Variants in KASH5 observed in about 807,000 individuals in gnomAD.
The protein encoded by KASH5 is KASH domain containing 5, also known as protein KASH5.
KASH5 carries 72 observed loss-of-function variants against 84.2 expected under a neutral mutation model. The observed-to-expected ratio is 0.85, with a 90% confidence interval of 0.71 to 1.04. The LOEUF (loss-of-function observed/expected upper bound fraction) is 1.04, where lower values mean the gene tolerates loss of function less well. KASH5 is among the 50% of genes least tolerant of loss of function. The pLI, the probability that KASH5 is intolerant of heterozygous loss-of-function variation, is 0.00. For synonymous variants in KASH5, 260 were observed against 279.1 expected, an observed-to-expected ratio of 0.93 and a Z score of 0.68; for missense variants, 650 against 701.0, an observed-to-expected ratio of 0.93 and a Z score of 0.82.
intron 9 of KASH5, among the ~76,000 whole-genome samples, chr19:49,400,097 T>C (rs1470691050): frequency 6.6e-6 from 1 of 151,914 alleles, no homozygotes; most frequent in Middle Eastern, 3.2e-3. Flanking sequence ...GGCATGGTAG[T>C]GTGCACCTGT....
chr19:49,406,092 C>T (rs1429238795), intron 9 of KASH5, among the ~76,000 whole-genome samples: 5 of 142,022 alleles, frequency 3.5e-5, no homozygotes, highest in Admixed American at 7.3e-5. Context: ...CGCACCATTG[C>T]ATGCCAGCCT....
At chr19:49,392,508 C>G (rs113752416) in intron 2 of KASH5, among the ~76,000 whole-genome samples, 1 of 152,196 alleles carries the variant, frequency 6.6e-6, no homozygotes, top group South Asian at 2.1e-4. Flanking sequence ...AGAGCCAGCA[C>G]GACCTGATGC....
chr19:49,398,179 C>T (rs1468430456), intron 7 of KASH5, 36 bp downstream of exon 7: 2 of 1,524,780 alleles, frequency 1.3e-6, no homozygotes, highest in East Asian at 2.3e-5. Flanking sequence ...CCCCAGCGCC[C>T]CTGCCTCCGT....
At chr19:49,388,811 C>T (rs1271599163) in intron 1 of KASH5, among the ~76,000 whole-genome samples, 1 of 152,074 alleles carries the variant, frequency 6.6e-6, no homozygotes, top group Non-Finnish European at 1.5e-5. Flanking sequence ...TGTCAGACTT[C>T]TCCCTCAGAG....
In KASH5 at chr19:49,399,768, C is replaced by T; in HGVS notation, c.798+261C>T. ...GGACCAGTGCCTCCCTTCTCTGTGCCTCAGTTGCCTCACCTATAAAGATGA... is the reference window on the plus strand; with the variant it reads ...GGACCAGTGCCTCCCTTCTCTGTGCTTCAGTTGCCTCACCTATAAAGATGA... On this transcript the variant is annotated intron_variant, in intron 9 of 19. Transcript: ENST00000447857. This position sits in a 1 kb window ranked among gnomAD's most constrained non-coding sequence, Gnocchi z 4.4. 1.1e-6 allele frequency: 1 copy of T among 874,642 alleles called. No homozygotes were observed. Among genetic ancestry groups the T allele is most frequent in the Non-Finnish European group, 1.6e-6 (1 of 611,246 alleles). The allele number at this position is 874,642 out of a possible 1,614,324, so 54.2% of individuals were successfully genotyped here. A position where few individuals can be genotyped will look rare whatever the true frequency, so the allele number is the denominator to read the frequency against.
chr19:49,405,684 C>T (rs1321521188), intron 9 of KASH5, among the ~76,000 whole-genome samples: 6 of 151,608 alleles, frequency 4.0e-5, no homozygotes, highest in South Asian at 2.1e-4. Flanking sequence ...GAGCCGGGTG[C>T]GGTGGCTCAC....
chr19:49,394,111 C>A (rs1371382719), intron 2 of KASH5, among the ~76,000 whole-genome samples: 1 of 152,162 alleles, frequency 6.6e-6, no homozygotes, highest in Admixed American at 6.5e-5. Context: ...ACTCTCAGCT[C>A]CTCCCAGAAT....
At chr19:49,392,853 A>G (rs1974045558) in intron 2 of KASH5, among the ~76,000 whole-genome samples, 1 of 151,846 alleles carries the variant, frequency 6.6e-6, no homozygotes. Flanking sequence ...CAGAAGTTGC[A>G]GTGAGCGGAG....
At chr19:49,402,594 C>A (rs143797526) in intron 9 of KASH5, among the ~76,000 whole-genome samples, 1 of 151,986 alleles carries the variant, frequency 6.6e-6, no homozygotes, top group Non-Finnish European at 1.5e-5. Context: ...GTAATCCCAG[C>A]TACTTGAGAG....
rs780056138 is a variant in KASH5 at position 49,417,207 on chromosome 19, G to T, written c.1488G>T (p.Lys496Asn). Reference sequence around the variant, plus strand: ...AAGCCCTGGTGCCTGTGATGAAAAAGCTGGTCCCAGTCAGGAGGAGGGCCT... The same window carrying T: ...AAGCCCTGGTGCCTGTGATGAAAAATCTGGTCCCAGTCAGGAGGAGGGCCT... The part of the protein sequence containing the change: ...LQQALVPVMK[K>N]LVPVRRRAWG... The change falls in exon 19 of 20, where the codon AAG (lysine) becomes AAT (asparagine). Residue 496 changes from lysine to asparagine, a missense_variant. Lys to Asn is a moderately conservative substitution (Grantham distance 94). Transcript: ENST00000447857. This position sits in a 1 kb window ranked among gnomAD's most constrained non-coding sequence, Gnocchi z 5.2. 8.1e-6 allele frequency: 13 copies of T among 1,613,900 alleles called. No homozygotes were observed. The South Asian group carries it at 1.4e-4, about 18-fold the overall frequency.
intron 9 of KASH5, among the ~76,000 whole-genome samples, chr19:49,402,702 GTC>G (rs1003940242): frequency 5.9e-5 from 9 of 152,132 alleles, no homozygotes; most frequent in Non-Finnish European, 1.3e-4. Context: ...GCGAGACTCT[GTC>G]TCAAAAAAAA....
At chr19:49,409,937 G>A (rs1022165634) in intron 15 of KASH5, 62 bp downstream of exon 15, 32 of 1,566,060 alleles carry the variant, frequency 2.0e-5, no homozygotes, top group Admixed American at 5.7e-5. Context: ...TCCAGGTGCC[G>A]CCCTGGCCAG....
At chr19:49,397,938 T>C (rs1568612747) in intron 6 of KASH5, 44 bp from the exon 7 acceptor site, 3 of 1,596,696 alleles carry the variant, frequency 1.9e-6, no homozygotes, top group Non-Finnish European at 2.6e-6. Context: ...GGGAAATGAG[T>C]CAGGGGCTGT....
At chr19:49,394,090 G>C (rs1439488936) in intron 2 of KASH5, among the ~76,000 whole-genome samples, 6 of 151,988 alleles carry the variant, frequency 3.9e-5, no homozygotes, top group Admixed American at 3.9e-4. Flanking sequence ...TGGCTCCTGG[G>C]CCCCCCCTTC....
At chr19:49,415,381 T>C (rs2122239285) in intron 17 of KASH5, 1 of 323,350 alleles carries the variant, frequency 3.1e-6, no homozygotes, top group South Asian at 2.8e-5. Flanking sequence ...CCTGGGGGCG[T>C]AGTGCCCGCA....
At chr19:49,401,138 T>C (rs1974348721) in intron 9 of KASH5, among the ~76,000 whole-genome samples, 1 of 152,208 alleles carries the variant, frequency 6.6e-6, no homozygotes, top group Non-Finnish European at 1.5e-5. Flanking sequence ...CTTCATCTTC[T>C]GGTGGTGATC....
intron 9 of KASH5, among the ~76,000 whole-genome samples, chr19:49,402,345 C>T (rs1243888916): frequency 2.6e-5 from 4 of 151,604 alleles, no homozygotes; most frequent in Non-Finnish European, 5.9e-5. Flanking sequence ...GCCAGGAGTT[C>T]GAGACCAACC....
chr19:49,395,886 G>T lies in KASH5; in HGVS notation c.400+53G>T. ...AGGCAGGCCCTGGGTCAGACAGTGT[G>T]GGGACTTACCACCCAGGGCAGAGCA... On this transcript the variant is annotated intron_variant, in intron 5 of 19. Coordinates refer to ENST00000447857, the MANE Select transcript of KASH5 (RefSeq NM_144688.5). The surrounding 1 kb of genome is among the most constrained non-coding windows in gnomAD (Gnocchi z 4.4). 1 of 1,464,018 alleles carries T rather than the reference G, an allele frequency of 6.8e-7. No homozygotes were observed. The highest frequency in any genetic ancestry group is 1.2e-5 in the South Asian group (1 of 82,072). The allele number at this position is 1,464,018 out of a possible 1,614,324, so 90.7% of individuals were successfully genotyped here. A position where few individuals can be genotyped will look rare whatever the true frequency, so the allele number is the denominator to read the frequency against.
intron 14 of KASH5, 96 bp downstream of exon 14, chr19:49,409,379 C>T (rs1402361810): frequency 7.8e-7 from 1 of 1,284,796 alleles, no homozygotes. Context: ...AGCCCTAACC[C>T]ACATTGCTGC....
Sources: gnomAD v4.1 joint callset for allele counts (sites outside exome capture counted in the v4.1 genomes callset) on GRCh38, gnomAD v4.1.1 for gene constraint, Gnocchi (gnomAD v3.1) non-coding constraint, MANE v1.5 for transcripts, NCBI Gene and HGNC (gene_info 2026-07-23, HGNC 2026-07-21) for gene names.